The following ZFYVE26 variants were observed in gnomAD, a reference collection of about 807,000 sequenced individuals.
The protein encoded by ZFYVE26 is zinc finger FYVE-type containing 26.
Under a neutral mutation model 276.5 loss-of-function variants are expected in ZFYVE26, and 181 were observed. The ratio of observed to expected loss-of-function variants is 0.65; its 90% confidence interval spans 0.58 to 0.74. ZFYVE26 has a LOEUF of 0.74. Among genes scored for constraint, ZFYVE26 ranks in the 30% least tolerant of loss-of-function variants. ZFYVE26 has a pLI of 0.00. For missense variants in ZFYVE26, 2,821 were observed against 3,097.9 expected, an observed-to-expected ratio of 0.91 and a Z score of 2.12; for synonymous variants, 1,129 against 1,203.1, an observed-to-expected ratio of 0.94 and a Z score of 1.27.
intron 32 of ZFYVE26, among the ~76,000 whole-genome samples, chr14:67,765,197 C>T (rs1402079671): frequency 1.3e-5 from 2 of 152,148 alleles, no homozygotes; most frequent in East Asian, 3.9e-4. Flanking sequence ...TTCCTTTTCA[C>T]TTCCTTCTAC....
chr14:67,744,896 T>C (rs2038462995), downstream of ZFYVE26, among the ~76,000 whole-genome samples: 2 of 152,230 alleles, frequency 1.3e-5, no homozygotes, highest in African/African-American at 4.8e-5. Context: ...CTCTTTATAG[T>C]AGAATGATTC....
At chr14:67,811,598 A>G (rs1422528033) in intron 3 of ZFYVE26, among the ~76,000 whole-genome samples, 1 of 152,058 alleles carries the variant, frequency 6.6e-6, no homozygotes, top group Non-Finnish European at 1.5e-5. Context: ...TTCAATGTAG[A>G]AAAATTGAAT....
intron 12 of ZFYVE26, chr14:67,797,351 G>GT: frequency 2.7e-6 from 1 of 369,740 alleles, no homozygotes; most frequent in Non-Finnish European, 5.1e-6. Context: ...ATTTAAAATG[G>GT]TAAGTGAAAA....
intron 35 of ZFYVE26, chr14:67,756,524 C>T (rs2140186076): frequency 4.2e-6 from 1 of 235,348 alleles, no homozygotes; most frequent in East Asian, 1.1e-4. Context: ...TCTATCTGAT[C>T]AATCAGCAGC....
intron 41 of ZFYVE26, among the ~76,000 whole-genome samples, chr14:67,749,018 T>G (rs370157925): frequency 1.0e-3 from 154 of 152,184 alleles, no homozygotes; most frequent in African/African-American, 3.6e-3. Context: ...GTTACTTGAG[T>G]GATTATTTGG....
At position 67,798,122 on chromosome 14, in the gene ZFYVE26, T is replaced by C; in HGVS notation, c.2140A>G (p.Ser714Gly). The C allele has an allele frequency of 6.2e-7, 1 of 1,614,148 alleles. No individual in the cohort carries two copies. The highest frequency in any genetic ancestry group is 8.5e-7 in the Non-Finnish European group (1 of 1,180,002). ...PPEKPKQESQSCSGSRDGLQS... is the reference protein window; with the variant it reads ...PPEKPKQESQGCSGSRDGLQS... ...AGTCCATCTCTGCTTCCTGAGCAGC[T>C]CTGACTTTCTTGCTTTGGCTTCTCA... is the stretch of plus-strand genomic sequence containing the variant. Residue 714 changes from serine (S) to glycine (G), a missense_variant, in exon 11 of 42, where the codon AGC (serine) becomes GGC (glycine). Transcript: ENST00000347230.
rs2039059227 is a variant in ZFYVE26 at position 67,766,360 on chromosome 14, T to C, written c.5878A>G (p.Arg1960Gly). The C allele has an allele frequency of 3.1e-6, 5 of 1,613,076 alleles. No homozygotes were observed. Among genetic ancestry groups the C allele is most frequent in the South Asian group, 1.1e-5 (1 of 91,016 alleles). The change falls in exon 32 of 42, where the codon AGG becomes GGG. Residue 1960 changes from arginine (R) to glycine (G), a missense_variant. Transcript: ENST00000347230. ...GGGTTGGTGAGGCCCTTGGAGAGCC[T>C]GCAGCAGTGCTCAATCAGCTGGTGA... ...CGHQLIEHCCRLSKGLTNPEV... is the reference protein window; with the variant it reads ...CGHQLIEHCCGLSKGLTNPEV...
intron 35 of ZFYVE26, among the ~76,000 whole-genome samples, chr14:67,759,959 A>G (rs1430300634): frequency 6.6e-6 from 1 of 152,232 alleles, no homozygotes; most frequent in Admixed American, 6.5e-5. Context: ...AATTTTCACA[A>G]TGTCTTTTCT....
In ZFYVE26 at chr14:67,815,799, C is replaced by T. The variant is rs186914861; in HGVS notation, c.165G>A (p.Gln55=). 2.5e-6 allele frequency: 4 copies of T among 1,613,662 alleles called. No individual in the cohort carries two copies. In the African/African-American group the frequency reaches 4.0e-5, roughly 16 times the overall value. ...DIPKRVEDIL[Q]ALVVCPNLLR... is the part of the protein sequence containing the mutation. ...GCAGATTTGGACACACCACCAATGC[C>T]TGAAGTATGTCTTCTACCCTCTTTG... Residue 55 remains glutamine, a synonymous_variant, in exon 2 of 42, where the codon CAG becomes CAA. Transcript: ENST00000347230.
chr14:67,771,649 CTG>C (rs973188598), intron 28 of ZFYVE26, among the ~76,000 whole-genome samples: 1 of 152,172 alleles, frequency 6.6e-6, no homozygotes, highest in African/African-American at 2.4e-5. Context: ...TATAGTCACA[CTG>C]TCATTAAGAG....
chr14:67,748,552 G>A lies in ZFYVE26; in HGVS notation c.7504C>T (p.Gln2502Ter), dbSNP rs1555392776. The A allele has an allele frequency of 1.2e-6, 2 of 1,614,064 alleles. No individual in the cohort carries two copies. Among genetic ancestry groups the A allele is most frequent in the Non-Finnish European group, 1.7e-6 (2 of 1,180,032 alleles). ...QEHSRATALV[Q>*]QVQQAAKSSG... ...CTCTTGGCGGCCTGCTGCACCTGCT[G>A]GACAAGGGCTGTGGCCCGTGAGTGT... Residue 2502 changes from glutamine (Q) to a stop codon, truncating the protein, a stop_gained, in exon 42 of 42, where the codon CAG becomes TAG. Coordinates refer to ENST00000347230, the MANE Select transcript of ZFYVE26 (RefSeq NM_015346.4). LOFTEE classifies it high-confidence loss of function.
rs1206090637 is a variant in ZFYVE26 at position 67,733,932 on chromosome 14, G to A, written n.2680-4113C>T. On this transcript the variant is annotated intron_variant and non_coding_transcript_variant, in intron 13 of 14. Coordinates refer to the ZFYVE26 transcript ENST00000394455. ...AGGAGAAGGCCAACCCTAAAGGATT[G>A]TCCTCTTGGCCAGCTGGTGCTGCGA... is the stretch of plus-strand genomic sequence containing the variant. The A allele has an allele frequency of 7.8e-6, 8 of 1,023,778 alleles. No homozygotes were observed. In the East Asian group the frequency reaches 2.0e-4, roughly 26 times the overall value. The allele number at this position is 1,023,778 out of a possible 1,614,324, so 63.4% of individuals were successfully genotyped here. A position where few individuals can be genotyped will look rare whatever the true frequency, so the allele number is the denominator to read the frequency against.
chr14:67,756,382 T>C (rs559884729), intron 35 of ZFYVE26: 2 of 556,726 alleles, frequency 3.6e-6, no homozygotes, highest in East Asian at 6.3e-5. Flanking sequence ...CTGTCTCCAA[T>C]TCCCTCCTGT....
At chr14:67,799,109 CT>C (rs1269733021) in intron 10 of ZFYVE26, 9 of 1,320,650 alleles carry the variant, frequency 6.8e-6, no homozygotes, top group Non-Finnish European at 9.9e-6. Context: ...CACCCAAGAC[CT>C]AGACTAGGAG....
chr14:67,750,985 A>G (rs191943382), intron 41 of ZFYVE26, 67 bp downstream of exon 41: 5 of 1,589,222 alleles, frequency 3.1e-6, no homozygotes, highest in Non-Finnish European at 4.3e-6. Context: ...CAAGGGATAA[A>G]GGTGACTAGG....
chr14:67,798,168 C>A lies in ZFYVE26; in HGVS notation c.2094G>T (p.Glu698Asp). The change falls in exon 11 of 42, where the codon GAG (glutamate) becomes GAT (aspartate). Residue 698 changes from glutamate (E) to aspartate (D), a missense_variant. Coordinates refer to ENST00000347230, the MANE Select transcript of ZFYVE26 (RefSeq NM_015346.4). Reference sequence around the variant, plus strand: ...TCTCAGGAGGGCTGCGGCTACTGATCTCATCCAGTTGCTCTTGGAGAAGCC... The same window carrying A: ...TCTCAGGAGGGCTGCGGCTACTGATATCATCCAGTTGCTCTTGGAGAAGCC... ...FLRLLQEQLD[E>D]ISSRSPPEKP... 1 of 1,614,156 alleles carries A rather than the reference C, an allele frequency of 6.2e-7. No homozygotes were observed. The highest frequency in any genetic ancestry group is 1.3e-5 in the African/African-American group (1 of 75,050).
At chr14:67,794,298 T>C (rs747730734) in intron 12 of ZFYVE26, 59 bp from the exon 13 acceptor site, 2 of 1,557,936 alleles carry the variant, frequency 1.3e-6, no homozygotes, top group Non-Finnish European at 1.8e-6. Context: ...GAGTAGGAAG[T>C]GTGAAGTTGG....
intron 8 of ZFYVE26, among the ~76,000 whole-genome samples, chr14:67,804,969 G>T (rs2040147275): frequency 6.6e-6 from 1 of 152,220 alleles, no homozygotes; most frequent in East Asian, 1.9e-4. Context: ...CACTGGAAAT[G>T]CGAGCTATTG....
At chr14:67,756,282 C>T (rs562217297) in intron 35 of ZFYVE26, 137 bp from the exon 36 acceptor site, 1 of 906,240 alleles carries the variant, frequency 1.1e-6, no homozygotes, top group East Asian at 2.4e-5. Context: ...TTATGTGTCA[C>T]AGATACCTTT....
Sources: gnomAD v4.1 joint callset for allele counts (sites outside exome capture counted in the v4.1 genomes callset) on GRCh38, gnomAD v4.1.1 for gene constraint, MANE v1.5 for transcripts, NCBI Gene and HGNC (gene_info 2026-07-23, HGNC 2026-07-21) for gene names.